SYNE3: variants seen among roughly 807,000 people sequenced by gnomAD.
The protein encoded by SYNE3 is nesprin-3.
Under a neutral mutation model 111.2 loss-of-function variants are expected in SYNE3, and 100 were observed. The ratio of observed to expected loss-of-function variants is 0.90; its 90% CI spans 0.77 to 1.06. The LOEUF (loss-of-function observed/expected upper bound fraction) is 1.06. Ranked by LOEUF, SYNE3 falls within the 50% of genes least tolerant of loss-of-function variation. The pLI, the probability that SYNE3 is intolerant of heterozygous loss-of-function variation, is 0.00. For missense variants in SYNE3, 1,160 were observed against 1,240.3 expected, an observed-to-expected ratio of 0.94 and a Z score of 0.97; for synonymous variants, 547 against 533.9, an observed-to-expected ratio of 1.02 and a Z score of -0.34.
At chr14:95,447,852 T>C (rs969604665) in intron 8 of SYNE3, among the ~76,000 whole-genome samples, 17 of 152,362 alleles carry the variant, frequency 1.1e-4, no homozygotes, top group Admixed American at 2.6e-4. Context: ...GTTCCCTGGC[T>C]CTGATCCCTC....
chr14:95,500,914 C>T lies in SYNE3; in HGVS notation c.-15+15682G>A, dbSNP rs1053849801. Among the ~76,000 whole-genome samples, 8 of 152,250 alleles carry T rather than the reference C, an allele frequency of 5.3e-5. No homozygotes were observed. Among genetic ancestry groups the T allele is most frequent in the Middle Eastern group, 3.2e-3 (1 of 316 alleles). On this transcript the variant is annotated intron_variant, in intron 1 of 17. Transcript: ENST00000682763. The surrounding 1 kb of genome is among the most constrained non-coding windows in gnomAD (Gnocchi z 4.7). ...GGGAGGGACACACGCTTGCTTCCCA[C>T]ACCAGGCACAAAATCCCGTCTGACT...
rs71431692 is a variant in SYNE3, at chr14:95,436,357, T to C, written c.2538+463A>G. Among the ~76,000 whole-genome samples, 1,265 of 152,202 alleles carry C rather than the reference T, an allele frequency of 8.3e-3. 6 individuals carry two copies. The highest frequency in any genetic ancestry group is 0.014 in the Non-Finnish European group (983 of 68,018). On this transcript the variant is annotated intron_variant, in intron 15 of 17. Coordinates refer to ENST00000682763, the MANE Select transcript of SYNE3 (RefSeq NM_152592.6). The stretch of plus-strand genomic sequence containing the variant: ...AGCTGTGCCACAGGAGTATACGAGA[T>C]GTGTAGTCCATGTCATTCTCATCTC...
At chr14:95,480,335 C>A (rs557911831) in intron 1 of SYNE3, among the ~76,000 whole-genome samples, 103 of 152,242 alleles carry the variant, frequency 6.8e-4, no homozygotes, top group African/African-American at 2.4e-3. Flanking sequence ...AAGGAAACAG[C>A]CTTGGGTTTG....
Position 95,450,117 on chromosome 14 carries a change from G to A in SYNE3, c.1275-12C>T, listed in dbSNP as rs1336389919. On this transcript the variant is annotated splice_polypyrimidine_tract_variant and intron_variant, in intron 7 of 17. Coordinates refer to ENST00000682763, the MANE Select transcript of SYNE3 (RefSeq NM_152592.6). ...TCTTCACCTTCAGGCTGCAAGGAGCGTGGAGGGAGAAAATGAGGGAGGAGA... is the reference window on the plus strand; with the variant it reads ...TCTTCACCTTCAGGCTGCAAGGAGCATGGAGGGAGAAAATGAGGGAGGAGA... The A allele has an allele frequency of 1.2e-5, 19 of 1,568,270 alleles. No homozygotes were observed. The highest frequency in any genetic ancestry group is 1.6e-5 in the Non-Finnish European group (19 of 1,155,304).
At chr14:95,477,359 G>T (rs142570602) in intron 1 of SYNE3, among the ~76,000 whole-genome samples, 50 of 152,294 alleles carry the variant, frequency 3.3e-4, no homozygotes, top group African/African-American at 1.0e-3. Flanking sequence ...AACCTTGAAG[G>T]CCACTTGGTT....
intron 7 of SYNE3, chr14:95,450,342 C>T (rs1462584024): frequency 1.8e-6 from 1 of 561,174 alleles, no homozygotes; most frequent in Non-Finnish European, 3.1e-6. Flanking sequence ...TTCCTGAGGA[C>T]AGACACTGGG....
chr14:95,493,393 T>G (rs1438834679), intron 1 of SYNE3, among the ~76,000 whole-genome samples: 1 of 152,164 alleles, frequency 6.6e-6, no homozygotes, highest in East Asian at 1.9e-4. Flanking sequence ...ATAACTTGAG[T>G]ATAAAATTTC....
chr14:95,439,149 A>C lies in SYNE3; in HGVS notation c.2260T>G (p.Trp754Gly), dbSNP rs759033948. The stretch of plus-strand genomic sequence containing the variant: ...TCCACTTCCATCCTCTGCAGATGCC[A>C]GTTTCTGATGAGGCTGAGAAGACAA... ...EESLLSLIRN[W>G]HLQRMEVDSG... is the part of the protein sequence containing the mutation. Residue 754 changes from tryptophan to glycine, a missense_variant, in exon 14 of 18, where the codon TGG (tryptophan) becomes GGG (glycine). Coordinates refer to ENST00000682763, the MANE Select transcript of SYNE3 (RefSeq NM_152592.6). The C allele has an allele frequency of 1.1e-4, 179 of 1,614,116 alleles. 1 individual carries two copies. Among genetic ancestry groups the C allele is most frequent in the Non-Finnish European group, 1.5e-4 (174 of 1,180,038 alleles).
At chr14:95,479,626 C>A (rs1889107556) in intron 1 of SYNE3, among the ~76,000 whole-genome samples, 2 of 151,996 alleles carry the variant, frequency 1.3e-5, no homozygotes, top group South Asian at 4.2e-4. Flanking sequence ...CCAAGTGTGG[C>A]TCTGGCCTGG....
Position 95,494,910 on chromosome 14 carries a change from C to T in SYNE3, c.-14-19075G>A, listed in dbSNP as rs546033065. Among the ~76,000 whole-genome samples, 9 of 151,196 alleles carry T rather than the reference C, an allele frequency of 6.0e-5. No individual in the cohort carries two copies. The East Asian group carries it at 1.4e-3, about 23-fold the overall frequency. ...TGTGGATCGCCTGAGGTCAGGCGTT[C>T]GAGCCAGCCTGGCCAGCATGGTGAA... is the stretch of plus-strand genomic sequence containing the variant. On this transcript the variant is annotated intron_variant, in intron 1 of 17. Transcript: ENST00000682763.
In SYNE3 at chr14:95,409,060, C is replaced by T. The variant is rs776162465; in HGVS notation, c.*8766G>A. On this transcript the variant is annotated 3_prime_UTR_variant, in exon 18 of 18. Transcript: ENST00000682763. ...TGCTGCCCCTGCTTTGGAATGTTGC[C>T]CTCCAGCTAACTCACCAGCTGCCAG... The T allele has an allele frequency of 2.3e-6, 1 of 433,820 alleles. No homozygotes were observed. Among genetic ancestry groups the T allele is most frequent in the Non-Finnish European group, 4.7e-6 (1 of 213,124 alleles). The allele number at this position is 433,820 out of a possible 1,614,324, so 26.9% of individuals were successfully genotyped here. A position where few individuals can be genotyped will look rare whatever the true frequency, so the allele number is the denominator to read the frequency against.
rs780809163 is a variant in SYNE3 at position 95,409,100 on chromosome 14, G to A, written c.*8726C>T. ...CCAGCTGCCAGAGTGGCAGCAGCCCGCGGCCTGCAAAGGAAAGGAAAGCAA... is the reference window on the plus strand; with the variant it reads ...CCAGCTGCCAGAGTGGCAGCAGCCCACGGCCTGCAAAGGAAAGGAAAGCAA... On this transcript the variant is annotated 3_prime_UTR_variant, in exon 18 of 18. Coordinates refer to ENST00000682763, the MANE Select transcript of SYNE3 (RefSeq NM_152592.6). 8.0e-5 allele frequency: 36 copies of A among 451,904 alleles called. No individual in the cohort carries two copies. The highest frequency in any genetic ancestry group is 4.9e-4 in the East Asian group (7 of 14,278). The allele number at this position is 451,904 out of a possible 1,614,324, so 28.0% of individuals were successfully genotyped here. A position where few individuals can be genotyped will look rare whatever the true frequency, so the allele number is the denominator to read the frequency against.
At chr14:95,489,486 G>C (rs918124105) in intron 1 of SYNE3, among the ~76,000 whole-genome samples, 6 of 152,214 alleles carry the variant, frequency 3.9e-5, no homozygotes, top group Non-Finnish European at 5.9e-5. Context: ...TGCCTATTTT[G>C]ATCACAACAC....
chr14:95,457,737 A>G (rs541369604), intron 4 of SYNE3, among the ~76,000 whole-genome samples: 1 of 152,296 alleles, frequency 6.6e-6, no homozygotes, highest in Non-Finnish European at 1.5e-5. Flanking sequence ...CTTGACATAT[A>G]TGAGCTCAGT....
chr14:95,438,949 GGA>G, intron 14 of SYNE3, 82 bp downstream of exon 14: 1 of 1,567,390 alleles, frequency 6.4e-7, no homozygotes. Context: ...CCCCAGACAG[GGA>G]GGGGCCTGTG....
intron 4 of SYNE3, among the ~76,000 whole-genome samples, chr14:95,458,452 C>T (rs1002338996): frequency 6.6e-6 from 1 of 152,230 alleles, no homozygotes; most frequent in Admixed American, 6.5e-5. Flanking sequence ...ACCCCTAAAA[C>T]AGAGCCTGGC....
rs1161645123 is a variant in SYNE3, at chr14:95,445,939, G to A, written c.1602C>T (p.Asn534=). The A allele has an allele frequency of 6.2e-7, 1 of 1,614,076 alleles. No homozygotes were observed. Among genetic ancestry groups the A allele is most frequent in the Non-Finnish European group, 8.5e-7 (1 of 1,180,032 alleles). The stretch of plus-strand genomic sequence containing the variant: ...GTTTGCTTTTCCTCTGCAGGAGGCT[G>A]TTATGCAGCAGGTCTCTGTCCCTCA... The part of the protein sequence containing the change: ...GSMRDRDLLH[N]SLLQRKSKLQ... Residue 534 remains asparagine (N), a synonymous_variant, in exon 9 of 18, where the codon AAC becomes AAT. Coordinates refer to ENST00000682763, the MANE Select transcript of SYNE3 (RefSeq NM_152592.6).
In SYNE3 at chr14:95,457,161, C is replaced by T. The variant is rs776802359; in HGVS notation, c.789+16G>A. ...GTCCCTAGGGTCCCTCTGGTTGAGA[C>T]ACAGCTGGGGATTACCTGCAGTGTG... On this transcript the variant is annotated intron_variant, in intron 5 of 17. Coordinates refer to ENST00000682763, the MANE Select transcript of SYNE3 (RefSeq NM_152592.6). 2 of 1,611,382 alleles carry T rather than the reference C, an allele frequency of 1.2e-6. No homozygotes were observed. Among genetic ancestry groups the T allele is most frequent in the South Asian group, 1.1e-5 (1 of 90,732 alleles).
chr14:95,489,711 G>A (rs1414236725), intron 1 of SYNE3, among the ~76,000 whole-genome samples: 3 of 152,098 alleles, frequency 2.0e-5, no homozygotes, highest in Non-Finnish European at 4.4e-5. Context: ...AGCCTCCCAA[G>A]TAGCTGGGAC....
Sources: gnomAD v4.1 joint callset for allele counts (sites outside exome capture counted in the v4.1 genomes callset) on GRCh38, gnomAD v4.1.1 for gene constraint, Gnocchi (gnomAD v3.1) non-coding constraint, MANE v1.5 for transcripts, NCBI Gene and HGNC (gene_info 2026-07-23, HGNC 2026-07-21) for gene names.